Variants in ZNF521 observed in about 807,000 individuals in gnomAD.
ZNF521 encodes LYST-interacting protein 3.
A neutral mutation model predicts 105.5 loss-of-function variants in ZNF521; 14 were observed. That is an observed-to-expected ratio of 0.13 (90% CI 0.09 to 0.21). ZNF521 has a LOEUF of 0.21. Ranked by LOEUF, ZNF521 falls within the 10% of genes least tolerant of loss-of-function variation. The pLI, the probability that ZNF521 is intolerant of heterozygous loss-of-function variation, is 1.00. For synonymous variants in ZNF521, 635 were observed against 606.0 expected (o/e 1.05, Z -0.70); for missense variants, 1,233 against 1,629.7 (o/e 0.76, Z 4.19).
chr18:25,158,769 A>C (rs1414031592), intron 5 of ZNF521, among the ~76,000 whole-genome samples: 2 of 152,114 alleles, frequency 1.3e-5, no homozygotes, highest in African/African-American at 2.4e-5. Flanking sequence ...CAGCCTGGCC[A>C]ACGTGGTGAA....
At chr18:25,331,203 A>C (rs1265853473) in intron 2 of ZNF521, among the ~76,000 whole-genome samples, 1 of 152,138 alleles carries the variant, frequency 6.6e-6, no homozygotes, top group African/African-American at 2.4e-5. Flanking sequence ...TCTTAAACCG[A>C]GCCTCAAGGA....
rs1906226659 is a variant in ZNF521 at position 25,227,275 on chromosome 18, T to G, written c.643A>C (p.Ser215Arg). 1.9e-6 allele frequency: 3 copies of G among 1,613,998 alleles called. No homozygotes were observed. Among genetic ancestry groups the G allele is most frequent in the Non-Finnish European group, 2.5e-6 (3 of 1,180,036 alleles). ...AICRRGFLSS[S>R]SLHGHMQVHE... ...ACCTGCATGTGTCCGTGTAAGGAAC[T>G]AGAGGACAGAAACCCACGGCGACAA... Residue 215 changes from serine to arginine, a missense_variant, in exon 4 of 8, where the codon AGT becomes CGT. By Grantham distance (110) the Ser-to-Arg change is moderately radical. Around this residue, in one of 6 missense-constraint regions of ZNF521, gnomAD observed 380 missense variants for 478.0 expected, o/e 0.80. Coordinates refer to ENST00000361524, the MANE Select transcript of ZNF521 (RefSeq NM_015461.3). This position sits in a 1 kb window ranked among gnomAD's most constrained non-coding sequence, Gnocchi z 5.7.
intron 5 of ZNF521, among the ~76,000 whole-genome samples, chr18:25,194,161 G>C (rs895081043): frequency 6.6e-6 from 1 of 151,732 alleles, no homozygotes. Context: ...CTAAACTGTT[G>C]AATTTTCTTT....
intron 4 of ZNF521, chr18:25,224,039 G>A: frequency 3.2e-6 from 1 of 311,048 alleles, no homozygotes; most frequent in Non-Finnish European, 6.0e-6. Context: ...AACTCACGGT[G>A]AAGCTATGCT....
At chr18:25,159,758 A>C (rs77540260) in intron 5 of ZNF521, among the ~76,000 whole-genome samples, 1,788 of 152,338 alleles carry the variant, frequency 0.012, 47 homozygotes, top group African/African-American at 0.041. Flanking sequence ...ATCGGGGTCA[A>C]CAAAGTTACA....
intron 4 of ZNF521, among the ~76,000 whole-genome samples, chr18:25,210,270 G>A (rs1013829071): frequency 6.6e-6 from 1 of 152,118 alleles, no homozygotes; most frequent in South Asian, 2.1e-4. Context: ...TGAAGCTTAG[G>A]AAGGACTGGC....
intron 3 of ZNF521, among the ~76,000 whole-genome samples, chr18:25,284,397 C>A (rs1223613695): frequency 1.3e-5 from 2 of 152,118 alleles, no homozygotes; most frequent in Non-Finnish European, 2.9e-5. Flanking sequence ...GCTTGCAGAT[C>A]TACTCCAAAT....
chr18:25,303,911 A>G (rs1455914393), intron 3 of ZNF521, among the ~76,000 whole-genome samples: 1 of 152,198 alleles, frequency 6.6e-6, no homozygotes, highest in Non-Finnish European at 1.5e-5. Context: ...AAATTCACTG[A>G]AGTTTTTGAT....
At chr18:25,187,091 A>G (rs2035738720) in intron 5 of ZNF521, among the ~76,000 whole-genome samples, 1 of 152,124 alleles carries the variant, frequency 6.6e-6, no homozygotes, top group African/African-American at 2.4e-5. Flanking sequence ...ATCTTGTACA[A>G]GTGCTCTTTA....
chr18:25,096,995 C>G (rs1482963282), intron 5 of ZNF521, among the ~76,000 whole-genome samples: 2 of 152,156 alleles, frequency 1.3e-5, no homozygotes, highest in African/African-American at 4.8e-5. Context: ...ATTTTTAAAT[C>G]TAAGAAAACT....
chr18:25,177,614 T>C (rs961963872), intron 5 of ZNF521, among the ~76,000 whole-genome samples: 2 of 152,130 alleles, frequency 1.3e-5, no homozygotes, highest in African/African-American at 4.8e-5. Flanking sequence ...GCAAATTTGC[T>C]GCTAGTTAAT....
intron 3 of ZNF521, among the ~76,000 whole-genome samples, chr18:25,258,087 C>T (rs1908646551): frequency 6.6e-6 from 1 of 152,098 alleles, no homozygotes; most frequent in Admixed American, 6.5e-5. Flanking sequence ...TAAATAAAGA[C>T]AATTCTATAC....
chr18:25,089,541 G>C lies in ZNF521; in HGVS notation c.3830C>G (p.Ser1277Cys). The change falls in exon 7 of 8, where the codon TCT becomes TGT. Residue 1277 changes from serine to cysteine, a missense_variant. By Grantham distance (112) the Ser-to-Cys change is moderately radical (BLOSUM62 -1). Transcript: ENST00000361524. ...QANKLQQHIFSAHGQEDKIYD... is the reference protein window; with the variant it reads ...QANKLQQHIFCAHGQEDKIYD... The stretch of plus-strand genomic sequence containing the variant: ...GATCTTGTCTTCTTGTCCATGGGCA[G>C]AGAAAATATGCTGCTGCAACTTGTT... 6.2e-7 allele frequency: 1 copy of C among 1,614,148 alleles called. No individual in the cohort carries two copies. Among genetic ancestry groups the C allele is most frequent in the East Asian group, 2.2e-5 (1 of 44,884 alleles).
intron 7 of ZNF521, among the ~76,000 whole-genome samples, chr18:25,074,055 TGTGTGCGCAC>T (rs1567949530): frequency 9.4e-6 from 1 of 106,012 alleles, no homozygotes; most frequent in African/African-American, 4.4e-5. Context: ...TCTGTGCACA[TGTGTGCGCAC>T]GCGTGTGTGC....
At chr18:25,170,680 C>T (rs568910514) in intron 5 of ZNF521, among the ~76,000 whole-genome samples, 117 of 152,148 alleles carry the variant, frequency 7.7e-4, no homozygotes, top group African/African-American at 2.5e-3. Context: ...ACTATTAAAT[C>T]GTAGCCGTGT....
chr18:25,160,327 A>G (rs1259334698), intron 5 of ZNF521, among the ~76,000 whole-genome samples: 1 of 152,222 alleles, frequency 6.6e-6, no homozygotes, highest in Non-Finnish European at 1.5e-5. Context: ...TTCCCTGGTG[A>G]ACTGATGCTT....
rs1263589396 is a variant in ZNF521 at position 25,158,940 on chromosome 18, AGT to A, written c.3658+36218_3658+36219del. Reference sequence around the variant, plus strand: ...CACTGCATTCCAGCCTGTGCGACACAGTGCGACTCCATCTTAAAAAAAAAAAA... The same window carrying A: ...CACTGCATTCCAGCCTGTGCGACACAGCGACTCCATCTTAAAAAAAAAAAA... On this transcript the variant is annotated intron_variant, in intron 5 of 7. Coordinates refer to ENST00000361524, the MANE Select transcript of ZNF521 (RefSeq NM_015461.3). Among the ~76,000 whole-genome samples, 18 of 152,030 alleles carry A rather than the reference AGT, an allele frequency of 1.2e-4. No individual in the cohort carries two copies. The East Asian group carries it at 3.5e-3, about 29-fold the overall frequency.
At chr18:25,089,022 T>G (rs867117607) in intron 7 of ZNF521, among the ~76,000 whole-genome samples, 2 of 152,222 alleles carry the variant, frequency 1.3e-5, no homozygotes, top group Admixed American at 6.5e-5. Flanking sequence ...ATATACATAC[T>G]GGACAAGAGT....
chr18:25,187,847 G>A (rs545614739), intron 5 of ZNF521, among the ~76,000 whole-genome samples: 1 of 152,174 alleles, frequency 6.6e-6, no homozygotes, highest in African/African-American at 2.4e-5. Flanking sequence ...TAGTAACAGG[G>A]GGATATGTGT....
Sources: gnomAD v4.1 joint callset for allele counts (sites outside exome capture counted in the v4.1 genomes callset) on GRCh38, gnomAD v4.1.1 for gene constraint, gnomAD v4.1.1 regional missense constraint, Gnocchi (gnomAD v3.1) non-coding constraint, MANE v1.5 for transcripts, NCBI Gene and HGNC (gene_info 2026-07-23, HGNC 2026-07-21) for gene names.